ECE1: variants seen among roughly 807,000 people sequenced by gnomAD.
ECE1 encodes endothelin-converting enzyme 1.
A neutral mutation model predicts 98.6 loss-of-function variants in ECE1; 35 were observed. That is an observed-to-expected ratio of 0.35 (90% CI 0.27 to 0.47). The LOEUF (loss-of-function observed/expected upper bound fraction) is 0.47. ECE1 is among the 20% of genes least tolerant of loss of function. ECE1 has a pLI of 1.00. For missense variants in ECE1, 814 were observed against 1,025.3 expected, an observed-to-expected ratio of 0.79 and a Z score of 2.81; for synonymous variants, 394 against 407.1, an observed-to-expected ratio of 0.97 and a Z score of 0.39.
At chr1:21,252,140 A>ATCT (rs1209395036) in intron 8 of ECE1, among the ~76,000 whole-genome samples, 3 of 152,232 alleles carry the variant, frequency 2.0e-5, no homozygotes, top group Non-Finnish European at 4.4e-5. Flanking sequence ...CAAGGTACAG[A>ATCT]TATAAGACGG....
chr1:21,280,871 G>GA (rs879519271), intron 2 of ECE1, among the ~76,000 whole-genome samples: 63 of 147,312 alleles, frequency 4.3e-4, no homozygotes, highest in Middle Eastern at 3.5e-3. Context: ...ACTTTCTGTG[G>GA]AAAAAAAAAA....
intron 7 of ECE1, among the ~76,000 whole-genome samples, chr1:21,257,204 C>T (rs2098220944): frequency 6.6e-6 from 1 of 152,184 alleles, no homozygotes; most frequent in Admixed American, 6.5e-5. Flanking sequence ...AAATGAAGTT[C>T]AGTATCTGCA....
intron 1 of ECE1, among the ~76,000 whole-genome samples, chr1:21,336,362 CAG>C (rs963241231): frequency 1.1e-4 from 16 of 152,136 alleles, no homozygotes; most frequent in Non-Finnish European, 2.1e-4. Flanking sequence ...GCCTGGGTGA[CAG>C]AGTGAGAGAC....
rs1277711728 is a variant in ECE1, at chr1:21,219,795, G to A, written c.*160C>T. 2.3e-6 allele frequency: 2 copies of A among 887,658 alleles called. No individual in the cohort carries two copies. The highest frequency in any genetic ancestry group is 3.5e-6 in the Non-Finnish European group (2 of 566,796). 55.0% of individuals were successfully genotyped at this position (887,658 alleles called of 1,614,324 possible). ...AGGGGATCAGACTGCGGGTCACGTTGAGAGCCAACACCATGGGCTCGGTTC... is the reference window on the plus strand; with the variant it reads ...AGGGGATCAGACTGCGGGTCACGTTAAGAGCCAACACCATGGGCTCGGTTC... On this transcript the variant is annotated 3_prime_UTR_variant, in exon 19 of 19. Transcript: ENST00000374893. The surrounding 1 kb of genome is among the most constrained non-coding windows in gnomAD (Gnocchi z 4.5).
At chr1:21,229,978 C>T (rs1350023958) in intron 14 of ECE1, among the ~76,000 whole-genome samples, 4 of 151,818 alleles carry the variant, frequency 2.6e-5, no homozygotes, top group Non-Finnish European at 5.9e-5. Context: ...TGAGACCAGC[C>T]TGGGCAAAAA....
chr1:21,344,176 G>C (rs563692051), intron 1 of ECE1, among the ~76,000 whole-genome samples: 2 of 152,298 alleles, frequency 1.3e-5, no homozygotes, highest in East Asian at 1.9e-4. Context: ...GGAGAGATGG[G>C]GGGGCGGGTT....
chr1:21,252,376 C>A (rs1394449565), intron 8 of ECE1, among the ~76,000 whole-genome samples: 1 of 152,228 alleles, frequency 6.6e-6, no homozygotes, highest in Non-Finnish European at 1.5e-5. Context: ...ACTTGTGACT[C>A]ACACCCTCTG....
intron 1 of ECE1, chr1:21,298,751 C>A (rs1218763422): frequency 2.2e-6 from 1 of 456,174 alleles, no homozygotes; most frequent in Non-Finnish European, 4.4e-6. Flanking sequence ...GGATTTGAAC[C>A]CAGGTTTTCC....
intron 8 of ECE1, among the ~76,000 whole-genome samples, chr1:21,250,068 C>T (rs567662951): frequency 1.3e-5 from 2 of 151,980 alleles, no homozygotes; most frequent in Non-Finnish European, 2.9e-5. Context: ...CATAAGCCAC[C>T]GCGTCTGGCC....
chr1:21,340,593 CTG>C lies in ECE1; in HGVS notation c.3+4781_3+4782del, dbSNP rs1639380290. On this transcript the variant is annotated intron_variant, in intron 1 of 18. Coordinates refer to the ECE1 transcript ENST00000415912. This position sits in a 1 kb window ranked among gnomAD's most constrained non-coding sequence, Gnocchi z 4.6. The stretch of plus-strand genomic sequence containing the variant: ...GTGGCTCACACCTGTAATCCCAGCA[CTG>C]TGGGAGGCTGAGGCGGGTGGATCAC... Among the ~76,000 whole-genome samples, 1 of 152,212 alleles carries C rather than the reference CTG, an allele frequency of 6.6e-6. No individual in the cohort carries two copies. The highest frequency in any genetic ancestry group is 2.1e-4 in the South Asian group (1 of 4,836).
intron 2 of ECE1, among the ~76,000 whole-genome samples, chr1:21,286,321 T>A (rs1368692157): frequency 6.6e-6 from 1 of 152,230 alleles, no homozygotes; most frequent in African/African-American, 2.4e-5. Flanking sequence ...TATTATTATA[T>A]CATGTCACTC....
intron 2 of ECE1, chr1:21,279,743 GAC>G: frequency 1.6e-6 from 2 of 1,262,990 alleles, no homozygotes; most frequent in Non-Finnish European, 1.0e-6. Context: ...GGACAAGGGT[GAC>G]ACAGCCATGG....
chr1:21,291,716 A>T (rs1046274414), upstream of ECE1, among the ~76,000 whole-genome samples: 1 of 152,144 alleles, frequency 6.6e-6, no homozygotes, highest in East Asian at 1.9e-4. Flanking sequence ...AATCCTAGCT[A>T]CTCAGGAGGC....
chr1:21,279,618 C>T (rs2098252060), intron 2 of ECE1: 1 of 1,429,102 alleles, frequency 7.0e-7, no homozygotes, highest in Non-Finnish European at 9.1e-7. Flanking sequence ...AAAACTACAG[C>T]TTTTCCCTGT....
At chr1:21,343,670 C>T (rs566859093) in intron 1 of ECE1, among the ~76,000 whole-genome samples, 21 of 152,280 alleles carry the variant, frequency 1.4e-4, no homozygotes, top group African/African-American at 5.1e-4. Context: ...AGACCAAAGT[C>T]CCTGTGGGGA....
At position 21,258,953 on chromosome 1, in the gene ECE1, C is replaced by G; in HGVS notation, c.616-114G>C. The G allele has an allele frequency of 4.9e-6, 7 of 1,431,142 alleles. No individual in the cohort carries two copies. The highest frequency in any genetic ancestry group is 5.7e-6 in the Non-Finnish European group (6 of 1,048,880). The allele number at this position is 1,431,142 out of a possible 1,614,324, so 88.7% of individuals were successfully genotyped here. A position where few individuals can be genotyped will look rare whatever the true frequency, so the allele number is the denominator to read the frequency against. ...ACCCTGGAGCAGTCGCCTGACCTCT[C>G]TGAGCCTCAAGAGCAAAGGAAAGGA... On this transcript the variant is annotated intron_variant, in intron 5 of 18. Coordinates refer to ENST00000374893, the MANE Select transcript of ECE1 (RefSeq NM_001397.3). The surrounding 1 kb of genome is among the most constrained non-coding windows in gnomAD (Gnocchi z 4.2).
chr1:21,259,064 G>A (rs768831002), intron 5 of ECE1, among the ~76,000 whole-genome samples: 1 of 152,178 alleles, frequency 6.6e-6, no homozygotes, highest in Non-Finnish European at 1.5e-5. Context: ...AAGCAGCCAG[G>A]CATGAATCCA....
chr1:21,236,791 G>C lies in ECE1; in HGVS notation c.1443C>G (p.Thr481=). ...IKKAFEESLS[T]LKWMDEETRK... ...GGGTTTCCTCATCCATCCACTTCAG[G>C]GTGCTCAGGCTTTCCTCAAATGCCT... Residue 481 remains threonine, a synonymous_variant, in exon 12 of 19, where the codon ACC becomes ACG. Transcript: ENST00000374893. 1 of 1,613,658 alleles carries C rather than the reference G, an allele frequency of 6.2e-7. No homozygotes were observed. The highest frequency in any genetic ancestry group is 2.2e-5 in the East Asian group (1 of 44,836).
intron 14 of ECE1, among the ~76,000 whole-genome samples, chr1:21,231,351 A>C (rs966406317): frequency 7.2e-5 from 11 of 151,910 alleles, no homozygotes; most frequent in Non-Finnish European, 1.3e-4. Context: ...TGAGAACTTT[A>C]TTTATTTTGA....
Sources: gnomAD v4.1 joint callset for allele counts (sites outside exome capture counted in the v4.1 genomes callset) on GRCh38, gnomAD v4.1.1 for gene constraint, Gnocchi (gnomAD v3.1) non-coding constraint, MANE v1.5 for transcripts, NCBI Gene and HGNC (gene_info 2026-07-23, HGNC 2026-07-21) for gene names.